ZNF676: variants seen among roughly 807,000 people sequenced by gnomAD.
The protein encoded by ZNF676 is zinc finger protein 676.
Under a neutral mutation model 6.0 loss-of-function variants are expected in ZNF676, and 4 were observed. The observed-to-expected ratio is 0.67, with a 90% CI of 0.33 to 1.53. The LOEUF is 1.53. ZNF676 is among the 40% of genes most tolerant of loss of function. The pLI is 0.06. For synonymous variants in ZNF676, 198 were observed against 223.1 expected (o/e 0.89, Z 1.00); for missense variants, 644 against 679.7 (o/e 0.95, Z 0.58).
At chr19:22,212,848 A>G (rs1188407499) in intron 1 of ZNF676, among the ~76,000 whole-genome samples, 16 of 152,102 alleles carry the variant, frequency 1.1e-4, no homozygotes, top group Non-Finnish European at 2.4e-4. Flanking sequence ...TACAAAAATT[A>G]GCCAGGCATG....
chr19:22,249,486 C>T, the ZNF676 span, among the ~76,000 whole-genome samples: 2 of 152,110 alleles, frequency 1.3e-5, no homozygotes, highest in Admixed American at 1.3e-4. Context: ...AATCTCAGCT[C>T]ACCGCAACCT....
upstream of ZNF676, among the ~76,000 whole-genome samples, chr19:22,216,077 T>C (rs73023756): frequency 0.029 from 4,459 of 152,370 alleles, 93 homozygotes; most frequent in Non-Finnish European, 0.051. Context: ...TTTACTGTCA[T>C]GTTAATAATA....
chr19:22,190,666 C>CATTCTATTTTATTATAT (rs2023896201), intron 2 of ZNF676, among the ~76,000 whole-genome samples: 1 of 40,036 alleles, frequency 2.5e-5, no homozygotes, highest in Non-Finnish European at 8.9e-5. Flanking sequence ...TATATATATA[C>CATTCTATTTTATTATAT]ATACACACTT....
chr19:22,198,289 G>A (rs1230536692), upstream of ZNF676, among the ~76,000 whole-genome samples: 1 of 152,100 alleles, frequency 6.6e-6, no homozygotes, highest in Non-Finnish European at 1.5e-5. Flanking sequence ...TGAGATTTCT[G>A]CATGGCATAT....
chr19:22,189,679 AAAAC>A (rs1969667738), intron 2 of ZNF676, among the ~76,000 whole-genome samples: 1 of 152,258 alleles, frequency 6.6e-6, no homozygotes, highest in East Asian at 1.9e-4. Context: ...TACAAGAAAA[AAAAC>A]AAACAACCCC....
At chr19:22,243,580 A>C in the ZNF676 span, 1 of 152,076 alleles carries the variant, frequency 6.6e-6, no homozygotes, top group Non-Finnish European at 1.5e-5. Context: ...GGGCACAGGC[A>C]GGGGTTTTCA....
At chr19:22,258,171 GAA>G in the ZNF676 span, among the ~76,000 whole-genome samples, 4 of 152,050 alleles carry the variant, frequency 2.6e-5, no homozygotes, top group Non-Finnish European at 4.4e-5. Context: ...CCAGGCAAAA[GAA>G]AAAAGTCACA....
At chr19:22,206,370 A>AT (rs2024076865) in intron 1 of ZNF676, among the ~76,000 whole-genome samples, 1 of 152,194 alleles carries the variant, frequency 6.6e-6, no homozygotes, top group African/African-American at 2.4e-5. Context: ...TTGAAAATTG[A>AT]TGCAAAAATC....
chr19:22,255,401 A>G, the ZNF676 span, among the ~76,000 whole-genome samples: 760 of 152,268 alleles, frequency 5.0e-3, 3 homozygotes, highest in Middle Eastern at 0.02. Flanking sequence ...CATGGTTTGC[A>G]TGAGAGCCAC....
chr19:22,211,747 T>G (rs898638189), intron 1 of ZNF676, among the ~76,000 whole-genome samples: 4 of 152,206 alleles, frequency 2.6e-5, no homozygotes, highest in Admixed American at 6.5e-5. Flanking sequence ...AAGAAACTGA[T>G]GTTTTCACGA....
the ZNF676 span, among the ~76,000 whole-genome samples, chr19:22,236,722 G>A: frequency 2.0e-5 from 3 of 152,040 alleles, no homozygotes; most frequent in African/African-American, 4.8e-5. Flanking sequence ...TTTTCCATTT[G>A]ACCTAGAAGT....
chr19:22,229,571 T>C, the ZNF676 span, among the ~76,000 whole-genome samples: 1 of 152,034 alleles, frequency 6.6e-6, no homozygotes, highest in East Asian at 1.9e-4. Flanking sequence ...AGGCAACCTA[T>C]GGAATGGGAG....
At chr19:22,238,318 T>A in the ZNF676 span, among the ~76,000 whole-genome samples, 1 of 152,186 alleles carries the variant, frequency 6.6e-6, no homozygotes, top group East Asian at 1.9e-4. Context: ...CCCAAAGTGC[T>A]GGGATTACAG....
At chr19:22,222,568 A>G in the ZNF676 span, among the ~76,000 whole-genome samples, 1 of 152,158 alleles carries the variant, frequency 6.6e-6, no homozygotes, top group Non-Finnish European at 1.5e-5. Flanking sequence ...AGCATTGACA[A>G]TGGGGACAAT....
Position 22,205,882 on chromosome 19 carries a change from A to T in ZNF676, c.4-9156T>A, listed in dbSNP as rs183308778. Among the ~76,000 whole-genome samples the T allele has an allele frequency of 1.3e-3, 199 of 152,148 alleles. 1 individual carries two copies. Among genetic ancestry groups the T allele is most frequent in the African/African-American group, 4.2e-3 (176 of 41,548 alleles). Reference sequence around the variant, plus strand: ...AGAAATCCAGGCATTAAATCTATTTAAAAAAAGTAAATAAACTATGAGCTA... The same window carrying T: ...AGAAATCCAGGCATTAAATCTATTTTAAAAAAGTAAATAAACTATGAGCTA... On this transcript the variant is annotated intron_variant, in intron 1 of 3. Coordinates refer to the ZNF676 transcript ENST00000650058.
intron 1 of ZNF676, chr19:22,204,067 C>A (rs2024052821): frequency 6.6e-6 from 1 of 152,158 alleles, no homozygotes; most frequent in Admixed American, 6.5e-5. Flanking sequence ...TTGCAACATA[C>A]CTAACTGGAG....
chr19:22,247,044 A>G, the ZNF676 span, among the ~76,000 whole-genome samples: 1 of 152,208 alleles, frequency 6.6e-6, no homozygotes, highest in Non-Finnish European at 1.5e-5. Context: ...GGCAAATTAT[A>G]AAGGGACTAT....
At chr19:22,254,611 G>C in the ZNF676 span, among the ~76,000 whole-genome samples, 1 of 152,180 alleles carries the variant, frequency 6.6e-6, no homozygotes, top group Non-Finnish European at 1.5e-5. Context: ...TCACCTAGGT[G>C]ATGAATGAAC....
At chr19:22,193,618 G>A (rs545974423) in intron 1 of ZNF676, among the ~76,000 whole-genome samples, 1 of 152,094 alleles carries the variant, frequency 6.6e-6, no homozygotes, top group African/African-American at 2.4e-5. Flanking sequence ...GGGAAGAATT[G>A]TCCATTTGCT....
Sources: gnomAD v4.1 joint callset for allele counts (sites outside exome capture counted in the v4.1 genomes callset) on GRCh38, gnomAD v4.1.1 for gene constraint, MANE v1.5 for transcripts, NCBI Gene and HGNC (gene_info 2026-07-23, HGNC 2026-07-21) for gene names.